The following CNTN3 variants were observed in gnomAD, a reference collection of about 807,000 sequenced individuals.
The protein encoded by CNTN3 is contactin 3.
A neutral mutation model predicts 119.1 loss-of-function variants in CNTN3; 60 were observed. The ratio of observed to expected loss-of-function variants is 0.50; its 90% CI spans 0.41 to 0.62. The LOEUF (loss-of-function observed/expected upper bound fraction) is 0.62. Ranked by LOEUF, CNTN3 falls within the 20% of genes least tolerant of loss-of-function variation. CNTN3 has a pLI of 0.00. For missense variants in CNTN3, 1,101 were observed against 1,242.4 expected, an observed-to-expected ratio of 0.89 and a Z score of 1.71; for synonymous variants, 450 against 438.7, an observed-to-expected ratio of 1.03 and a Z score of -0.32.
At chr3:74,611,099 A>T (rs1705072019) in intron 1 of CNTN3, among the ~76,000 whole-genome samples, 2 of 152,208 alleles carry the variant, frequency 1.3e-5, no homozygotes, top group Admixed American at 6.5e-5. Flanking sequence ...GGCACCTAAG[A>T]GAATGCTATG....
chr3:74,594,104 C>A (rs1199733766), intron 1 of CNTN3, among the ~76,000 whole-genome samples: 1 of 151,734 alleles, frequency 6.6e-6, no homozygotes, highest in East Asian at 2.0e-4. Context: ...GAAGGGCAGG[C>A]AAACTCTGAA....
At chr3:74,370,284 A>T (rs187277852) in intron 6 of CNTN3, among the ~76,000 whole-genome samples, 69 of 152,210 alleles carry the variant, frequency 4.5e-4, no homozygotes, top group African/African-American at 1.6e-3. Context: ...ATTAATAAAC[A>T]TTTAAGAACT....
intron 11 of CNTN3, among the ~76,000 whole-genome samples, chr3:74,347,562 T>C (rs886216899): frequency 2.6e-5 from 4 of 152,240 alleles, no homozygotes; most frequent in Non-Finnish European, 4.4e-5. Flanking sequence ...TCTTGAAATG[T>C]ACCATATAAT....
At chr3:74,403,984 G>A (rs1430988329) in intron 5 of CNTN3, among the ~76,000 whole-genome samples, 4 of 151,262 alleles carry the variant, frequency 2.6e-5, no homozygotes, top group Admixed American at 6.6e-5. Context: ...TCCCAAACTC[G>A]TAATACTTTC....
At chr3:74,300,155 T>A (rs1466999384) in intron 16 of CNTN3, among the ~76,000 whole-genome samples, 4 of 152,076 alleles carry the variant, frequency 2.6e-5, no homozygotes, top group Non-Finnish European at 5.9e-5. Context: ...CATAAAAAAA[T>A]TCAAAATCTC....
intron 4 of CNTN3, among the ~76,000 whole-genome samples, chr3:74,460,158 T>C (rs1029559764): frequency 6.6e-6 from 1 of 152,078 alleles, no homozygotes; most frequent in Non-Finnish European, 1.5e-5. Context: ...TTGATAACTG[T>C]AGCTAAATAG....
intron 17 of CNTN3, among the ~76,000 whole-genome samples, chr3:74,299,469 G>A (rs1434736118): frequency 6.6e-6 from 1 of 152,090 alleles, no homozygotes; most frequent in East Asian, 1.9e-4. Context: ...AGTCATAAGG[G>A]GAGCTTGAGG....
At chr3:74,561,656 C>T (rs988486013) in intron 1 of CNTN3, among the ~76,000 whole-genome samples, 1 of 152,108 alleles carries the variant, frequency 6.6e-6, no homozygotes, top group Non-Finnish European at 1.5e-5. Flanking sequence ...GCTGTACTTT[C>T]CTCAGATCAA....
intron 5 of CNTN3, among the ~76,000 whole-genome samples, chr3:74,408,606 A>G (rs1440456206): frequency 6.6e-6 from 1 of 152,074 alleles, no homozygotes; most frequent in Non-Finnish European, 1.5e-5. Context: ...ATTCTCAACT[A>G]TATGCATTCA....
intron 1 of CNTN3, among the ~76,000 whole-genome samples, chr3:74,593,586 C>T (rs1198158255): frequency 1.3e-5 from 2 of 151,874 alleles, no homozygotes; most frequent in Admixed American, 6.6e-5. Flanking sequence ...TATCAATGAT[C>T]GAGTACCTCT....
chr3:74,316,727 C>G (rs1702838721), intron 13 of CNTN3, among the ~76,000 whole-genome samples: 1 of 151,920 alleles, frequency 6.6e-6, no homozygotes, highest in South Asian at 2.1e-4. Flanking sequence ...AGATCGAGAC[C>G]ATACTGGCTA....
At chr3:74,545,965 A>T (rs1190684777) in intron 1 of CNTN3, among the ~76,000 whole-genome samples, 1 of 151,774 alleles carries the variant, frequency 6.6e-6, no homozygotes, top group African/African-American at 2.4e-5. Flanking sequence ...GTTTCTTCTT[A>T]ATTTGGTTTC....
chr3:74,480,986 A>C (rs1702753261), intron 4 of CNTN3, among the ~76,000 whole-genome samples: 1 of 151,932 alleles, frequency 6.6e-6, no homozygotes, highest in South Asian at 2.1e-4. Flanking sequence ...AAAGAACATA[A>C]AAATCAGACC....
chr3:74,558,690 A>T (rs1704106711), intron 1 of CNTN3, among the ~76,000 whole-genome samples: 1 of 152,114 alleles, frequency 6.6e-6, no homozygotes, highest in Admixed American at 6.6e-5. Context: ...AATTAATAAT[A>T]GTAACTGCAG....
In CNTN3 at chr3:74,295,107, G is replaced by T. The variant is rs771917744; in HGVS notation, c.2517+14C>A. 1.3e-6 allele frequency: 2 copies of T among 1,528,472 alleles called. No individual in the cohort carries two copies. Among genetic ancestry groups the T allele is most frequent in the Non-Finnish European group, 1.8e-6 (2 of 1,103,368 alleles). 94.7% of individuals were successfully genotyped at this position (1,528,472 alleles called of 1,614,324 possible). A position where few individuals can be genotyped will look rare whatever the true frequency, so the allele number is the denominator to read the frequency against. On this transcript the variant is annotated intron_variant, in intron 19 of 22. Coordinates refer to ENST00000263665, the MANE Select transcript of CNTN3 (RefSeq NM_020872.3). ...GGTAACACACATACACAATTTAATC[G>T]GAAAAGAAATTACCTCATAGCCCAG...
intron 1 of CNTN3, among the ~76,000 whole-genome samples, chr3:74,541,511 T>C (rs575430775): frequency 6.6e-6 from 1 of 152,070 alleles, no homozygotes; most frequent in Non-Finnish European, 1.5e-5. Flanking sequence ...ATTATTTATA[T>C]AAAATACAAA....
chr3:74,575,794 T>G (rs554922820), intron 1 of CNTN3, among the ~76,000 whole-genome samples: 49 of 152,222 alleles, frequency 3.2e-4, no homozygotes, highest in African/African-American at 1.1e-3. Flanking sequence ...CTAAGAGGCT[T>G]CTCAGCCCAG....
At chr3:74,563,665 A>G (rs1235659881) in intron 1 of CNTN3, among the ~76,000 whole-genome samples, 1 of 152,110 alleles carries the variant, frequency 6.6e-6, no homozygotes, top group African/African-American at 2.4e-5. Flanking sequence ...AAGGAAATGC[A>G]CCTACCCCAG....
intron 4 of CNTN3, among the ~76,000 whole-genome samples, chr3:74,452,277 A>G (rs1350764828): frequency 1.8e-4 from 24 of 135,856 alleles, no homozygotes; most frequent in African/African-American, 6.6e-4. Context: ...CTTTGAAGCA[A>G]TTGTGAATGG....
Sources: gnomAD v4.1 joint callset for allele counts (sites outside exome capture counted in the v4.1 genomes callset) on GRCh38, gnomAD v4.1.1 for gene constraint, MANE v1.5 for transcripts, NCBI Gene and HGNC (gene_info 2026-07-23, HGNC 2026-07-21) for gene names.